Variants in L3MBTL1 observed in about 807,000 individuals in gnomAD.
L3MBTL1 encodes the protein L3MBTL histone methyl-lysine binding protein 1.
In L3MBTL1, 75 loss-of-function variants were observed where a neutral mutation model predicts 105.3. The ratio of observed to expected loss-of-function variants is 0.71; its 90% CI spans 0.59 to 0.86. The LOEUF (loss-of-function observed/expected upper bound fraction) is 0.86, where lower values mean the gene tolerates loss of function less well. Ranked by LOEUF, L3MBTL1 falls within the 40% of genes least tolerant of loss-of-function variation. The pLI is 0.00. For synonymous variants in L3MBTL1, 452 were observed against 436.2 expected, an observed-to-expected ratio of 1.04 and a Z score of -0.45; for missense variants, 1,069 against 1,126.4, an observed-to-expected ratio of 0.95 and a Z score of 0.73.
At chr20:43,540,049 C>G (rs1378650357) in intron 19 of L3MBTL1, 102 bp from the exon 20 acceptor site, 2 of 1,412,668 alleles carry the variant, frequency 1.4e-6, no homozygotes, top group Admixed American at 1.8e-5. Flanking sequence ...GGAGTCCTGT[C>G]TACTCTGCCA....
chr20:43,534,861 T>C lies in L3MBTL1; in HGVS notation c.1744T>C (p.Phe582Leu). ...TGATGGCTGGAGTCATGGCTATGAT[T>C]TCTGGATCGACGCTGACCACCCAGA... ...HFDGWSHGYD[F>L]WIDADHPDIH... Residue 582 changes from phenylalanine (F) to leucine (L), a missense_variant, in exon 16 of 22, where the codon TTC becomes CTC. Transcript: ENST00000418998. The C allele has an allele frequency of 6.2e-7, 1 of 1,611,780 alleles. No homozygotes were observed. Among genetic ancestry groups the C allele is most frequent in the South Asian group, 1.1e-5 (1 of 90,996 alleles).
At chr20:43,528,569 G>C (rs1159532314) in intron 7 of L3MBTL1, 88 bp from the exon 8 acceptor site, 3 of 919,838 alleles carry the variant, frequency 3.3e-6, no homozygotes, top group Middle Eastern at 4.3e-4. Flanking sequence ...TGTTTTGGGG[G>C]TGAAGGTAGA....
intron 19 of L3MBTL1, chr20:43,539,886 G>A (rs765351818): frequency 1.8e-6 from 1 of 561,700 alleles, no homozygotes; most frequent in Non-Finnish European, 3.2e-6. Context: ...GGCCCAGGGT[G>A]GTGCAGCCTC....
intron 2 of L3MBTL1, 76 bp downstream of exon 2, chr20:43,513,715 AG>A: frequency 6.5e-7 from 1 of 1,545,106 alleles, no homozygotes. Context: ...GATCCTGGAG[AG>A]GGGATGACCG....
intron 19 of L3MBTL1, among the ~76,000 whole-genome samples, chr20:43,538,026 T>C (rs1600957619): frequency 6.6e-6 from 1 of 152,170 alleles, no homozygotes; most frequent in African/African-American, 2.4e-5. Context: ...TTAGCACAGC[T>C]CCCTGCCAGT....
chr20:43,526,367 G>A, intron 7 of L3MBTL1, among the ~76,000 whole-genome samples: 1 of 152,142 alleles, frequency 6.6e-6, no homozygotes, highest in East Asian at 1.9e-4. Context: ...GAAGCAGCAG[G>A]ATGATGGCAT....
Position 43,530,568 on chromosome 20 carries a change from C to G in L3MBTL1, c.1192+149C>G, listed in dbSNP as rs2019282278. The G allele has an allele frequency of 4.1e-6, 4 of 965,018 alleles. No individual in the cohort carries two copies. The African/African-American group carries it at 6.6e-5, about 16-fold the overall frequency. 59.8% of individuals were successfully genotyped at this position (965,018 alleles called of 1,614,324 possible). A position where few individuals can be genotyped will look rare whatever the true frequency, so the allele number is the denominator to read the frequency against. ...CTCTCTTCATCGCATCCTGATGACT[C>G]TGCGCTGGGGCCAAGTTGACCAGAA... On this transcript the variant is annotated intron_variant, in intron 10 of 21. Coordinates refer to ENST00000418998, the MANE Select transcript of L3MBTL1 (RefSeq NM_001377303.1).
In L3MBTL1 at chr20:43,516,152, T is replaced by G. The variant is rs140650952; in HGVS notation, c.837T>G (p.Ser279Arg). 1,660 of 1,612,812 alleles carry G rather than the reference T, an allele frequency of 1.0e-3. 3 individuals are homozygous for G. The highest frequency in any genetic ancestry group is 1.3e-3 in the Non-Finnish European group (1,538 of 1,179,584). The stretch of plus-strand genomic sequence containing the variant: ...AACCCACTGCTAGCACCCCAGAGAG[T>G]GAGGAGTGGAGCAGCAGCCAGCCTG... ...EGQPTASTPE[S>R]EEWSSSQPAT... is the part of the protein sequence containing the mutation. Residue 279 changes from serine to arginine, a missense_variant, in exon 7 of 22, where the codon AGT becomes AGG. Transcript: ENST00000418998.
chr20:43,525,945 A>G (rs1018530196), intron 7 of L3MBTL1, among the ~76,000 whole-genome samples: 5 of 152,212 alleles, frequency 3.3e-5, no homozygotes, highest in African/African-American at 1.2e-4. Context: ...TGGTAAACTG[A>G]AGAATGTATA....
At chr20:43,530,231 G>C in intron 9 of L3MBTL1, 53 bp from the exon 10 acceptor site, 1 of 1,610,788 alleles carries the variant, frequency 6.2e-7, no homozygotes, top group Non-Finnish European at 8.5e-7. Flanking sequence ...GAGGCAGATG[G>C]GGAGTGGGGC....
intron 7 of L3MBTL1, among the ~76,000 whole-genome samples, chr20:43,523,806 C>G (rs1432966579): frequency 6.6e-6 from 1 of 151,978 alleles, no homozygotes; most frequent in African/African-American, 2.4e-5. Context: ...CCAGCCTGGC[C>G]AACGTGGTGA....
rs2019894577 is a variant in L3MBTL1 at position 43,541,091 on chromosome 20, T to C, written c.2552T>C (p.Leu851Pro). Residue 851 changes from leucine to proline, a missense_variant, in exon 22 of 22, where the codon CTT becomes CCT. Transcript: ENST00000418998. ...SLLCSLPTHLLAKLSFASDSQ... is the reference protein window; with the variant it reads ...SLLCSLPTHLPAKLSFASDSQ... ...CTCTGCTCTCTACCCACTCATTTGC[T>C]TGCCAAACTTAGCTTTGCCAGTGAT... The C allele has an allele frequency of 8.1e-6, 13 of 1,614,034 alleles. No individual in the cohort carries two copies. The highest frequency in any genetic ancestry group is 1.1e-5 in the South Asian group (1 of 91,094).
rs765486433 is a variant in L3MBTL1, at chr20:43,514,745, G to A, written c.471G>A (p.Ala157=). 1.1e-5 allele frequency: 17 copies of A among 1,564,982 alleles called. No individual in the cohort carries two copies. Among genetic ancestry groups the A allele is most frequent in the Non-Finnish European group, 1.3e-5 (15 of 1,154,740 alleles). The part of the protein sequence containing the change: ...VTEYEDGGAP[A]GDGEAGPQQA... ...AATACGAAGATGGCGGGGCCCCGGC[G>A]GGAGATGGCGAGGCGGGCCCCCAAC... The change falls in exon 4 of 22, where the codon GCG becomes GCA. Residue 157 remains alanine, a synonymous_variant. Coordinates refer to ENST00000418998, the MANE Select transcript of L3MBTL1 (RefSeq NM_001377303.1).
downstream of L3MBTL1, among the ~76,000 whole-genome samples, chr20:43,543,440 C>T (rs1978356881): frequency 6.6e-6 from 1 of 152,208 alleles, no homozygotes; most frequent in Admixed American, 6.5e-5. Flanking sequence ...TTCTCTTCTT[C>T]TTGTGACAAG....
At chr20:43,516,282 C>CTCATTT in intron 7 of L3MBTL1, 105 bp downstream of exon 7, 1 of 778,162 alleles carries the variant, frequency 1.3e-6, no homozygotes, top group Non-Finnish European at 2.2e-6. Context: ...GTTGTACATG[C>CTCATTT]ATAAATGAGC....
chr20:43,530,852 AG>A lies in L3MBTL1; in HGVS notation c.1249del (p.Ala417LeufsTer8). 6.2e-7 allele frequency: 1 copy of A among 1,614,124 alleles called. No homozygotes were observed. Among genetic ancestry groups the A allele is most frequent in the Non-Finnish European group, 8.5e-7 (1 of 1,180,014 alleles). ...WSQYLRSTRAQAAPKHLFVSQ... is the reference protein window; with the variant it reads ...WSQYLRSTRAXAAPKHLFVSQ... ...CAGTACCTGCGCAGCACAAGAGCTC[AG>A]GCTGCCCCCAAGCACCTGTTTGTGA... On this transcript the variant is annotated frameshift_variant, in exon 11 of 22. Transcript: ENST00000418998. LOFTEE classifies it high-confidence loss of function.
chr20:43,521,831 G>A (rs1216394482), intron 7 of L3MBTL1, among the ~76,000 whole-genome samples: 1 of 152,186 alleles, frequency 6.6e-6, no homozygotes, highest in African/African-American at 2.4e-5. Flanking sequence ...GGGACTGCAG[G>A]CATACGCCAC....
chr20:43,522,457 GTTTTTTTTTTTTTT>G (rs1176856356), intron 7 of L3MBTL1, among the ~76,000 whole-genome samples: 23 of 95,892 alleles, frequency 2.4e-4, no homozygotes, highest in Middle Eastern at 6.7e-3. Flanking sequence ...TCCCTGCTAA[GTTTTTTTTTTTTTT>G]TTTTTTTTTT....
intron 11 of L3MBTL1, 96 bp from the exon 12 acceptor site, chr20:43,532,677 C>A: frequency 2.2e-6 from 3 of 1,343,390 alleles, no homozygotes; most frequent in Non-Finnish European, 2.1e-6. Flanking sequence ...ACACCCCAGG[C>A]TTTCCTAGAG....
Sources: allele counts gnomAD v4.1 joint callset (sites outside exome capture counted in the v4.1 genomes callset), GRCh38; gene constraint gnomAD v4.1.1; transcripts MANE v1.5; gene names NCBI Gene and HGNC (gene_info 2026-07-23, HGNC 2026-07-21).